The following SPHKAP variants were observed in gnomAD, a reference collection of about 807,000 sequenced individuals.
The protein encoded by SPHKAP is A-kinase anchor protein SPHKAP.
A neutral mutation model predicts 137.5 loss-of-function variants in SPHKAP; 67 were observed. The observed-to-expected ratio is 0.49, with a 90% CI of 0.40 to 0.60. The LOEUF (loss-of-function observed/expected upper bound fraction) is 0.60, where lower values mean the gene tolerates loss of function less well. Among genes scored for constraint, SPHKAP ranks in the 20% least tolerant of loss-of-function variants. The pLI is 0.00. For missense variants in SPHKAP, 2,097 were observed against 2,069.3 expected (o/e 1.01, Z -0.26); for synonymous variants, 813 against 785.3 (o/e 1.04, Z -0.59).
chr2:227,988,957 A>C (rs1693312463), intron 11 of SPHKAP, among the ~76,000 whole-genome samples: 1 of 152,220 alleles, frequency 6.6e-6, no homozygotes, highest in South Asian at 2.1e-4. Flanking sequence ...ATAGGCATGA[A>C]GGGAAGTGTT....
At chr2:228,124,606 A>G (rs1341157283) in intron 2 of SPHKAP, among the ~76,000 whole-genome samples, 1 of 150,776 alleles carries the variant, frequency 6.6e-6, no homozygotes, top group Admixed American at 6.6e-5. Flanking sequence ...GGGGGGAGAG[A>G]TAGCATTAGG....
intron 3 of SPHKAP, among the ~76,000 whole-genome samples, chr2:228,078,841 T>G (rs1697266745): frequency 6.6e-6 from 1 of 152,088 alleles, no homozygotes; most frequent in Non-Finnish European, 1.5e-5. Flanking sequence ...AGCCTTTGCC[T>G]CAGACCTCAA....
At chr2:228,021,394 G>GTTAACTTTC (rs1343392355) in intron 6 of SPHKAP, among the ~76,000 whole-genome samples, 1 of 152,184 alleles carries the variant, frequency 6.6e-6, no homozygotes, top group Non-Finnish European at 1.5e-5. Flanking sequence ...TCTTAGGGAA[G>GTTAACTTTC]TTAACTTTCC....
At chr2:228,047,211 A>C (rs569136834) in intron 3 of SPHKAP, among the ~76,000 whole-genome samples, 109 of 152,294 alleles carry the variant, frequency 7.2e-4, no homozygotes, top group African/African-American at 2.6e-3. Flanking sequence ...AATGCCTGTA[A>C]TTTCAGCACT....
chr2:227,996,258 T>C (rs1051799364), intron 7 of SPHKAP: 12 of 323,162 alleles, frequency 3.7e-5, no homozygotes, highest in Non-Finnish European at 4.4e-5. Context: ...TGCTGTATTT[T>C]ACCCTATCTC....
chr2:228,117,120 G>A (rs7601464), intron 2 of SPHKAP, among the ~76,000 whole-genome samples: 52,283 of 151,892 alleles, frequency 0.34, 9,271 homozygotes, highest in East Asian at 0.5. Flanking sequence ...TGAGTATTAT[G>A]TAAGTATATA....
chr2:228,016,798 A>C lies in SPHKAP; in HGVS notation c.4056T>G (p.Ala1352=). The C allele has an allele frequency of 6.2e-7, 1 of 1,614,056 alleles. No homozygotes were observed. The highest frequency in any genetic ancestry group is 2.2e-5 in the East Asian group (1 of 44,866). Residue 1352 remains alanine (A), a synonymous_variant, in exon 7 of 12, where the codon GCT becomes GCG. Coordinates refer to ENST00000392056, the MANE Select transcript of SPHKAP (RefSeq NM_001142644.2). ...SQAEKCANRL[A]ASRMCSGPTL... ...TTGGCCCACTGCACATCCTGCTCGC[A>C]GCTAATCTATTTGCACACTTCTCTG...
At chr2:228,148,610 G>A (rs6757891) in intron 1 of SPHKAP, among the ~76,000 whole-genome samples, 13,865 of 152,118 alleles carry the variant, frequency 0.091, 803 homozygotes, top group Middle Eastern at 0.13. Flanking sequence ...CCCTGATCAC[G>A]ACTTGGCTTT....
At chr2:228,165,874 T>C (rs1324361232) in intron 1 of SPHKAP, among the ~76,000 whole-genome samples, 1 of 152,390 alleles carries the variant, frequency 6.6e-6, no homozygotes, top group East Asian at 1.9e-4. Context: ...ATTTGGTGGT[T>C]GTTGCCTGTT....
At chr2:228,173,142 A>G in intron 1 of SPHKAP, 1 of 753,712 alleles carries the variant, frequency 1.3e-6, no homozygotes, top group Non-Finnish European at 1.6e-6. Context: ...ATGGCAGAGG[A>G]GGAACAAATA....
In SPHKAP at chr2:227,991,180, A is replaced by C. The variant is rs952685894; in HGVS notation, c.4779T>G (p.Pro1593=). Residue 1593 remains proline, a synonymous_variant, in exon 11 of 12, where the codon CCT becomes CCG. Transcript: ENST00000392056. ...CTGTTCCCGTAGGCGGTCCAGATGC[A>C]GGTGCTGAGAACAGACACAACCACA... ...LKGQSESTEA[P]ASGPPTGTAS... The C allele has an allele frequency of 8.1e-6, 13 of 1,613,998 alleles. No homozygotes were observed. Among genetic ancestry groups the C allele is most frequent in the Middle Eastern group, 1.6e-4 (1 of 6,084 alleles).
rs780660789 is a variant in SPHKAP at position 227,981,729 on chromosome 2, C to T, written c.5091G>A (p.Leu1697=). The change falls in exon 12 of 12, where the codon TTG becomes TTA. Residue 1697 remains leucine (L), a synonymous_variant. Transcript: ENST00000392056. Reference sequence around the variant, plus strand: ...GCAGACTGCCTTATTATCCCAGTTCCAAGAGCCAGTCAAAGAGACTCAGTC... The same window carrying T: ...GCAGACTGCCTTATTATCCCAGTTCTAAGAGCCAGTCAAAGAGACTCAGTC... ...DGRLSLFDWL[L]ELG 18 of 1,612,884 alleles carry T rather than the reference C, an allele frequency of 1.1e-5. No homozygotes were observed. Among genetic ancestry groups the T allele is most frequent in the Non-Finnish European group, 1.4e-5 (17 of 1,179,426 alleles).
At chr2:228,073,485 G>A (rs1438926331) in intron 3 of SPHKAP, among the ~76,000 whole-genome samples, 1 of 152,154 alleles carries the variant, frequency 6.6e-6, no homozygotes, top group Non-Finnish European at 1.5e-5. Flanking sequence ...TTCCACCTCT[G>A]ATTCTGCCAG....
chr2:228,117,872 C>A (rs1449385261), intron 2 of SPHKAP, among the ~76,000 whole-genome samples: 1 of 144,364 alleles, frequency 6.9e-6, no homozygotes. Context: ...AAGAAAATTG[C>A]AAAATTTTAT....
At chr2:228,148,358 C>A (rs1193060593) in intron 1 of SPHKAP, among the ~76,000 whole-genome samples, 1 of 152,166 alleles carries the variant, frequency 6.6e-6, no homozygotes, top group African/African-American at 2.4e-5. Context: ...AAATGTCTGC[C>A]ACCTGTCTAG....
chr2:228,025,803 C>CT (rs1695013413), intron 4 of SPHKAP: 1 of 904,236 alleles, frequency 1.1e-6, no homozygotes, highest in South Asian at 5.1e-5. Context: ...ATAGTAATTA[C>CT]TATCATACCA....
chr2:228,109,688 G>A (rs901826305), intron 2 of SPHKAP, among the ~76,000 whole-genome samples: 8 of 152,058 alleles, frequency 5.3e-5, no homozygotes, highest in Non-Finnish European at 1.2e-4. Context: ...AATATTGGCT[G>A]GGCGTGGTGG....
chr2:228,048,789 T>C (rs1038499137), intron 3 of SPHKAP, among the ~76,000 whole-genome samples: 5 of 152,152 alleles, frequency 3.3e-5, no homozygotes, highest in Non-Finnish European at 7.3e-5. Flanking sequence ...GTGGGCCACT[T>C]GTATGTGTTT....
At chr2:228,143,085 A>G (rs1010936921) in intron 1 of SPHKAP, among the ~76,000 whole-genome samples, 1 of 152,164 alleles carries the variant, frequency 6.6e-6, no homozygotes, top group African/African-American at 2.4e-5. Context: ...AACATTAGAA[A>G]TACATTCACC....
Sources: gnomAD v4.1 joint callset for allele counts (sites outside exome capture counted in the v4.1 genomes callset) on GRCh38, gnomAD v4.1.1 for gene constraint, MANE v1.5 for transcripts, NCBI Gene and HGNC (gene_info 2026-07-23, HGNC 2026-07-21) for gene names.